SUV39H2: variants seen among roughly 807,000 people sequenced by gnomAD.
The protein encoded by SUV39H2 is SUV39H2 histone lysine methyltransferase, also known as histone-lysine N-methyltransferase SUV39H2.
SUV39H2 carries 10 observed loss-of-function variants against 47.5 expected under a neutral mutation model. That is an observed-to-expected ratio of 0.21 (90% CI 0.13 to 0.36). The LOEUF (loss-of-function observed/expected upper bound fraction) is 0.36. Ranked by LOEUF, SUV39H2 falls within the 10% of genes least tolerant of loss-of-function variation. The probability of loss-of-function intolerance (pLI) is 1.00; values close to 1 mark genes in which losing one functional copy is unlikely to be tolerated. For synonymous variants in SUV39H2, 159 were observed against 166.8 expected, an observed-to-expected ratio of 0.95 and a Z score of 0.36; for missense variants, 266 against 487.4, an observed-to-expected ratio of 0.55 and a Z score of 4.28.
chr10:14,880,603 C>T (rs1588830850), intron 1 of SUV39H2, among the ~76,000 whole-genome samples: 1 of 152,202 alleles, frequency 6.6e-6, no homozygotes, highest in African/African-American at 2.4e-5. Flanking sequence ...CTAGCCCTAA[C>T]AACAAGTTTG....
Position 14,903,923 on chromosome 10 carries a change from T to C in SUV39H2, c.*1411T>C, listed in dbSNP as rs1240132209. On this transcript the variant is annotated 3_prime_UTR_variant, in exon 6 of 6. Transcript: ENST00000354919. ...GGGAGAAGCTAGACTTTATTCATTA[T>C]ATTGCTATGACAACTTCACTCTTTC... The C allele has an allele frequency of 2.6e-5, 4 of 152,214 alleles. No homozygotes were observed. Among genetic ancestry groups the C allele is most frequent in the African/African-American group, 7.2e-5 (3 of 41,466 alleles). The allele number at this position is 152,214 out of a possible 1,614,324, so 9.4% of individuals were successfully genotyped here.
chr10:14,888,601 A>G (rs1833287232), intron 2 of SUV39H2, among the ~76,000 whole-genome samples: 1 of 151,814 alleles, frequency 6.6e-6, no homozygotes, highest in African/African-American at 2.4e-5. Context: ...GCACTACTGC[A>G]CTCCAACCTG....
chr10:14,899,585 A>C lies in SUV39H2; in HGVS notation c.896A>C (p.Asn299Thr). 1 of 1,614,208 alleles carries C rather than the reference A, an allele frequency of 6.2e-7. No individual in the cohort carries two copies. The highest frequency in any genetic ancestry group is 8.5e-7 in the Non-Finnish European group (1 of 1,180,036). ...EAERRGQFYD[N>T]KGITYLFDLD... ...GAAAGACGAGGACAGTTCTATGACA[A>C]CAAGGGAATCACGTATCTCTTTGAT... is the stretch of plus-strand genomic sequence containing the variant. Residue 299 changes from asparagine (N) to threonine (T), a missense_variant, in exon 4 of 6, where the codon AAC becomes ACC. Around this residue, in one of 4 missense-constraint regions of SUV39H2, gnomAD observed 112 missense variants for 271.9 expected, o/e 0.41. Transcript: ENST00000354919.
At chr10:14,887,225 T>A (rs1344596978) in intron 2 of SUV39H2, among the ~76,000 whole-genome samples, 1 of 152,088 alleles carries the variant, frequency 6.6e-6, no homozygotes, top group Admixed American at 6.6e-5. Flanking sequence ...GAAAAGTAGG[T>A]GCACGGTTCT....
intron 2 of SUV39H2, among the ~76,000 whole-genome samples, chr10:14,889,224 A>AT (rs1311688317): frequency 1.3e-5 from 2 of 152,136 alleles, no homozygotes; most frequent in Admixed American, 1.3e-4. Context: ...GGTGTTTATA[A>AT]TTTTTTTCAA....
At chr10:14,901,738 G>A (rs1157982189) in intron 5 of SUV39H2, among the ~76,000 whole-genome samples, 3 of 151,914 alleles carry the variant, frequency 2.0e-5, no homozygotes, top group Non-Finnish European at 4.4e-5. Context: ...GGCTGAGGTG[G>A]GAGGATGGCT....
At chr10:14,884,870 C>A (rs1437290736) in intron 2 of SUV39H2, among the ~76,000 whole-genome samples, 1 of 152,118 alleles carries the variant, frequency 6.6e-6, no homozygotes, top group Non-Finnish European at 1.5e-5. Context: ...AAACAAGGAT[C>A]ATTATTGTAC....
chr10:14,879,061 C>T (rs2131663276), intron 1 of SUV39H2, 142 bp downstream of exon 1: 1 of 1,310,300 alleles, frequency 7.6e-7, no homozygotes, highest in Non-Finnish European at 9.7e-7. Context: ...GGGACGCACG[C>T]TGCGGACGCC....
Position 14,881,506 on chromosome 10 carries a change from G to A in SUV39H2, c.38G>A (p.Cys13Tyr). Reference sequence around the variant, plus strand: ...TTCTATTTTCTTATTGTAGCTTGGTGTGTGCCTTGCCTAGTTTCACTTGAT... The same window carrying A: ...TTCTATTTTCTTATTGTAGCTTGGTATGTGCCTTGCCTAGTTTCACTTGAT... ...AVGAEARGAWCVPCLVSLDTL... is the reference protein window; with the variant it reads ...AVGAEARGAWYVPCLVSLDTL... Residue 13 changes from cysteine (C) to tyrosine (Y), a missense_variant, in exon 2 of 6, where the codon TGT becomes TAT. By Grantham distance (194) the Cys-to-Tyr change is radical (BLOSUM62 -2). Coordinates refer to ENST00000354919, the MANE Select transcript of SUV39H2 (RefSeq NM_001193424.2). 6.5e-7 allele frequency: 1 copy of A among 1,550,240 alleles called. No homozygotes were observed. The highest frequency in any genetic ancestry group is 8.7e-7 in the Non-Finnish European group (1 of 1,153,864).
intron 2 of SUV39H2, among the ~76,000 whole-genome samples, chr10:14,888,467 C>G (rs1452455870): frequency 6.6e-6 from 1 of 151,802 alleles, no homozygotes; most frequent in Non-Finnish European, 1.5e-5. Flanking sequence ...AACCCCGTCT[C>G]TACTAAAAAT....
Position 14,904,195 on chromosome 10 carries a change from C to G in SUV39H2, c.*1683C>G, listed in dbSNP as rs1834205596. 6.6e-6 allele frequency: 1 copy of G among 151,886 alleles called. No homozygotes were observed. The highest frequency in any genetic ancestry group is 2.4e-5 in the African/African-American group (1 of 41,270). The allele number at this position is 151,886 out of a possible 1,614,324, so 9.4% of individuals were successfully genotyped here. ...TGGCACACGCCTGTAGTCCCAGCTA[C>G]TCAGGAGGCTGAGGCAGGAGAATCA... On this transcript the variant is annotated 3_prime_UTR_variant, in exon 6 of 6. Coordinates refer to ENST00000354919, the MANE Select transcript of SUV39H2 (RefSeq NM_001193424.2).
chr10:14,886,880 T>C (rs1023350185), intron 2 of SUV39H2, among the ~76,000 whole-genome samples: 2 of 152,222 alleles, frequency 1.3e-5, no homozygotes, highest in Admixed American at 6.5e-5. Context: ...CACAGAAAGC[T>C]TCCCAGAAGT....
At chr10:14,900,845 A>G (rs143315529) in intron 4 of SUV39H2, among the ~76,000 whole-genome samples, 3 of 152,326 alleles carry the variant, frequency 2.0e-5, no homozygotes, top group African/African-American at 7.2e-5. Flanking sequence ...AGGAAAAAAA[A>G]AAGTTGGGAC....
intron 2 of SUV39H2, among the ~76,000 whole-genome samples, chr10:14,895,655 A>G (rs923795063): frequency 2.6e-5 from 4 of 152,148 alleles, no homozygotes; most frequent in Non-Finnish European, 4.4e-5. Flanking sequence ...AGTGCCTGCT[A>G]CCTAATCCAG....
intron 3 of SUV39H2, 127 bp downstream of exon 3, chr10:14,897,644 T>A (rs1833677577): frequency 7.2e-6 from 6 of 837,064 alleles, no homozygotes; most frequent in Non-Finnish European, 9.8e-6. Flanking sequence ...TATGTAGAAA[T>A]TTATTCAGAT....
chr10:14,882,392 C>T (rs145624910), intron 2 of SUV39H2, among the ~76,000 whole-genome samples: 1 of 152,164 alleles, frequency 6.6e-6, no homozygotes, highest in South Asian at 2.1e-4. Flanking sequence ...CACTAAATCC[C>T]ATTCTTTCAA....
intron 2 of SUV39H2, among the ~76,000 whole-genome samples, chr10:14,885,466 C>G (rs1238078768): frequency 6.6e-6 from 1 of 152,204 alleles, no homozygotes; most frequent in African/African-American, 2.4e-5. Flanking sequence ...TGTGCTTTCA[C>G]AGAGAGAATT....
At chr10:14,897,637 G>T (rs1833677361) in intron 3 of SUV39H2, 120 bp downstream of exon 3, 2 of 901,406 alleles carry the variant, frequency 2.2e-6, no homozygotes, top group Admixed American at 7.4e-5. Context: ...TTGCAGATAT[G>T]TAGAAATTTA....
chr10:14,880,268 T>C lies in SUV39H2; in HGVS notation c.32-1232T>C, dbSNP rs574559937. On this transcript the variant is annotated intron_variant, in intron 1 of 5. Coordinates refer to ENST00000354919, the MANE Select transcript of SUV39H2 (RefSeq NM_001193424.2). Reference sequence around the variant, plus strand: ...GCAGCCAGTGAGATGGTAGAAATTATGCTTAAGGGTTTCTGACAATGAAGT... The same window carrying C: ...GCAGCCAGTGAGATGGTAGAAATTACGCTTAAGGGTTTCTGACAATGAAGT... Among the ~76,000 whole-genome samples the C allele has an allele frequency of 1.2e-4, 18 of 152,316 alleles. No homozygotes were observed. The South Asian group carries it at 3.7e-3, about 32-fold the overall frequency.
Sources: allele counts gnomAD v4.1 joint callset (sites outside exome capture counted in the v4.1 genomes callset), GRCh38; gene constraint gnomAD v4.1.1; regional missense constraint gnomAD v4.1.1; transcripts MANE v1.5; gene names NCBI Gene and HGNC (gene_info 2026-07-23, HGNC 2026-07-21).